Variants in MAGI2 observed in about 807,000 individuals in gnomAD.
MAGI2 encodes the protein membrane associated guanylate kinase, WW and PDZ domain containing 2.
MAGI2 carries 35 observed loss-of-function variants against 133.3 expected under a neutral mutation model. The ratio of observed to expected loss-of-function variants is 0.26; its 90% confidence interval spans 0.20 to 0.35. MAGI2 has a LOEUF of 0.35. Ranked by LOEUF, MAGI2 falls within the 10% of genes least tolerant of loss-of-function variation. The pLI, the probability that MAGI2 is intolerant of heterozygous loss-of-function variation, is 1.00. For missense variants in MAGI2, 1,636 were observed against 1,863.4 expected (o/e 0.88, Z 2.25); for synonymous variants, 729 against 710.6 (o/e 1.03, Z -0.41).
intron 6 of MAGI2, among the ~76,000 whole-genome samples, chr7:78,429,725 A>G (rs930421518): frequency 3.3e-5 from 5 of 151,932 alleles, no homozygotes; most frequent in African/African-American, 1.2e-4. Flanking sequence ...ACTTAATAAT[A>G]ATATAAAGAA....
chr7:78,366,458 C>T (rs1793388532), intron 7 of MAGI2, among the ~76,000 whole-genome samples: 1 of 152,074 alleles, frequency 6.6e-6, no homozygotes. Context: ...TGATGAATAA[C>T]CTCTATGTTT....
At chr7:78,846,625 T>C (rs775171098) in intron 2 of MAGI2, among the ~76,000 whole-genome samples, 1 of 152,132 alleles carries the variant, frequency 6.6e-6, no homozygotes, top group East Asian at 1.9e-4. Flanking sequence ...GATAATTTCC[T>C]AAAATTCATT....
At chr7:78,323,806 T>C (rs1029141262) in intron 9 of MAGI2, among the ~76,000 whole-genome samples, 7 of 152,198 alleles carry the variant, frequency 4.6e-5, no homozygotes, top group South Asian at 2.1e-4. Flanking sequence ...TTTAACTTAG[T>C]ACTTCTTAAC....
intron 6 of MAGI2, among the ~76,000 whole-genome samples, chr7:78,452,161 G>C (rs947373119): frequency 6.6e-6 from 1 of 151,970 alleles, no homozygotes; most frequent in Admixed American, 6.6e-5. Context: ...AACTCTATGA[G>C]GTATTATTAT....
chr7:79,045,363 T>G (rs1812076415), intron 1 of MAGI2, among the ~76,000 whole-genome samples: 1 of 152,252 alleles, frequency 6.6e-6, no homozygotes, highest in Non-Finnish European at 1.5e-5. Context: ...TTTTATTATT[T>G]GTAAATTATA....
chr7:78,724,152 G>A (rs768111639), intron 2 of MAGI2, among the ~76,000 whole-genome samples: 21 of 152,118 alleles, frequency 1.4e-4, no homozygotes, highest in African/African-American at 1.9e-4. Context: ...TAAAGGAAAT[G>A]TATAGAAGAA....
intron 1 of MAGI2, among the ~76,000 whole-genome samples, chr7:79,250,061 A>T (rs547522851): frequency 2.7e-3 from 409 of 152,272 alleles, no homozygotes; most frequent in African/African-American, 9.5e-3. Context: ...AACTGATGAT[A>T]AAAAAGCATT....
At chr7:79,405,325 T>A (rs1017692362) in intron 1 of MAGI2, among the ~76,000 whole-genome samples, 1 of 152,150 alleles carries the variant, frequency 6.6e-6, no homozygotes, top group Non-Finnish European at 1.5e-5. Flanking sequence ...ATGTTATCAT[T>A]CATAAAGTAA....
chr7:79,309,082 C>T (rs1388836263), intron 1 of MAGI2, among the ~76,000 whole-genome samples: 1 of 151,838 alleles, frequency 6.6e-6, no homozygotes, highest in African/African-American at 2.4e-5. Context: ...AGTTTATATC[C>T]CCAAATATAT....
At position 78,355,747 on chromosome 7, in the gene MAGI2, T is replaced by TG. The variant is rs201838839; in HGVS notation, c.1104-9705dup. Among the ~76,000 whole-genome samples, 411 of 152,356 alleles carry TG rather than the reference T, an allele frequency of 2.7e-3. 16 individuals are homozygous for TG. The highest frequency in any genetic ancestry group is 0.026 in the Admixed American group (393 of 15,300). On this transcript the variant is annotated intron_variant, in intron 7 of 21. Transcript: ENST00000354212. Reference sequence around the variant, plus strand: ...TAATCTGCAACACACTTCAGCCAGGTGATTCTCAATTTCTTTTTATCAGTT... The same window carrying TG: ...TAATCTGCAACACACTTCAGCCAGGTGGATTCTCAATTTCTTTTTATCAGTT...
intron 16 of MAGI2, among the ~76,000 whole-genome samples, chr7:78,156,198 A>G (rs2150594911): frequency 6.6e-6 from 1 of 152,260 alleles, no homozygotes; most frequent in South Asian, 2.1e-4. Flanking sequence ...CCTCAGCTGG[A>G]CTGACTTGGC....
chr7:78,973,998 T>A (rs1804016788), intron 2 of MAGI2, among the ~76,000 whole-genome samples: 1 of 151,830 alleles, frequency 6.6e-6, no homozygotes, highest in Admixed American at 6.6e-5. Flanking sequence ...CTGAACAGCA[T>A]CTTCCCTTTC....
chr7:79,382,540 C>G (rs2129143794), intron 1 of MAGI2, among the ~76,000 whole-genome samples: 1 of 151,592 alleles, frequency 6.6e-6, no homozygotes, highest in South Asian at 2.1e-4. Flanking sequence ...ACTGGGTAAT[C>G]TGGAGTAACT....
At chr7:78,203,132 A>G (rs1044465958) in intron 10 of MAGI2, among the ~76,000 whole-genome samples, 4 of 152,226 alleles carry the variant, frequency 2.6e-5, no homozygotes, top group South Asian at 2.1e-4. Context: ...TGTCATTTAT[A>G]TATTTTCACC....
At chr7:79,189,069 G>A (rs1827421083) in intron 1 of MAGI2, among the ~76,000 whole-genome samples, 1 of 151,694 alleles carries the variant, frequency 6.6e-6, no homozygotes, top group Admixed American at 6.6e-5. Context: ...ACAAACTGTG[G>A]TAACACTGTA....
At chr7:78,887,052 T>C (rs957415360) in intron 2 of MAGI2, among the ~76,000 whole-genome samples, 2 of 152,188 alleles carry the variant, frequency 1.3e-5, no homozygotes, top group African/African-American at 4.8e-5. Flanking sequence ...TCAGCCATAA[T>C]TGTAAGTTTC....
intron 13 of MAGI2, among the ~76,000 whole-genome samples, chr7:78,183,795 T>TG (rs1422860610): frequency 6.6e-6 from 1 of 152,232 alleles, no homozygotes; most frequent in South Asian, 2.1e-4. Context: ...TTTGAACTCC[T>TG]GGGCTCAAGC....
chr7:78,557,928 C>T (rs1799993751), intron 3 of MAGI2, among the ~76,000 whole-genome samples: 1 of 151,948 alleles, frequency 6.6e-6, no homozygotes, highest in Non-Finnish European at 1.5e-5. Context: ...CCTGGCTACT[C>T]TAGGTGGCCT....
chr7:79,427,074 C>T (rs1337106442), intron 1 of MAGI2, among the ~76,000 whole-genome samples: 4 of 152,116 alleles, frequency 2.6e-5, no homozygotes, highest in Non-Finnish European at 5.9e-5. Flanking sequence ...ATGTATTGTA[C>T]GTAATCTAGA....
Sources: allele counts gnomAD v4.1 joint callset (sites outside exome capture counted in the v4.1 genomes callset), GRCh38; gene constraint gnomAD v4.1.1; transcripts MANE v1.5; gene names NCBI Gene and HGNC (gene_info 2026-07-23, HGNC 2026-07-21).